The following RGS7 variants were observed in gnomAD, a reference collection of about 807,000 sequenced individuals.
RGS7 encodes the protein regulator of G-protein signaling 7.
Under a neutral mutation model 81.1 loss-of-function variants are expected in RGS7, and 27 were observed. The ratio of observed to expected loss-of-function variants is 0.33; its 90% CI spans 0.25 to 0.46. RGS7 has a LOEUF of 0.46. RGS7 is among the 20% of genes least tolerant of loss of function. The pLI is 1.00. For missense variants in RGS7, 396 were observed against 607.4 expected (o/e 0.65, Z 3.66); for synonymous variants, 208 against 207.7 (o/e 1.00, Z -0.01).
intron 3 of RGS7, among the ~76,000 whole-genome samples, chr1:241,065,869 T>C (rs1296406611): frequency 2.0e-5 from 3 of 152,190 alleles, no homozygotes; most frequent in Non-Finnish European, 2.9e-5. Flanking sequence ...AGGCTAATAA[T>C]AGTATCTCGC....
At chr1:241,232,588 T>C (rs1029528539) in intron 2 of RGS7, among the ~76,000 whole-genome samples, 3 of 151,984 alleles carry the variant, frequency 2.0e-5, no homozygotes, top group African/African-American at 7.3e-5. Flanking sequence ...GTAAATCCGC[T>C]AACTTTCTTC....
intron 3 of RGS7, among the ~76,000 whole-genome samples, chr1:241,025,640 T>A (rs186788269): frequency 6.6e-6 from 1 of 152,180 alleles, no homozygotes; most frequent in African/African-American, 2.4e-5. Flanking sequence ...TTTTGCTTTA[T>A]CTATGCCTCA....
intron 4 of RGS7, 48 bp downstream of exon 4, chr1:240,983,031 A>C (rs1435571162): frequency 1.8e-6 from 2 of 1,099,808 alleles, no homozygotes; most frequent in Non-Finnish European, 2.8e-6. Flanking sequence ...CATATTTCTT[A>C]AAACCACTAA....
chr1:241,181,511 T>A (rs1009607836), intron 2 of RGS7, among the ~76,000 whole-genome samples: 5 of 152,216 alleles, frequency 3.3e-5, no homozygotes, highest in African/African-American at 1.2e-4. Context: ...CAGCTATTAC[T>A]CTGATCCTGT....
chr1:240,927,184 G>A (rs1461560986), intron 6 of RGS7, among the ~76,000 whole-genome samples: 2 of 151,852 alleles, frequency 1.3e-5, no homozygotes, highest in Non-Finnish European at 2.9e-5. Flanking sequence ...CTCCTGACTC[G>A]GCCTCCCAAG....
chr1:241,287,561 C>A (rs1250303818), intron 2 of RGS7, among the ~76,000 whole-genome samples: 2 of 152,134 alleles, frequency 1.3e-5, no homozygotes, highest in African/African-American at 2.4e-5. Context: ...TACCCAGCCT[C>A]AGGTATGTCT....
chr1:241,273,404 C>T (rs1046148324), intron 2 of RGS7, among the ~76,000 whole-genome samples: 1 of 151,880 alleles, frequency 6.6e-6, no homozygotes, highest in Admixed American at 6.6e-5. Context: ...CTTCTAAGCT[C>T]TGGAAATCTC....
At chr1:240,989,990 A>G (rs1686229464) in intron 3 of RGS7, among the ~76,000 whole-genome samples, 1 of 152,208 alleles carries the variant, frequency 6.6e-6, no homozygotes, top group African/African-American at 2.4e-5. Flanking sequence ...AAAGTGGGTC[A>G]TGAAGGCTCA....
chr1:241,010,531 C>A (rs1436017122), intron 3 of RGS7, among the ~76,000 whole-genome samples: 2 of 152,146 alleles, frequency 1.3e-5, no homozygotes, highest in Admixed American at 6.5e-5. Context: ...CATTGCTGAT[C>A]GTTTGTAACA....
At chr1:241,212,980 T>C (rs1466460716) in intron 2 of RGS7, among the ~76,000 whole-genome samples, 3 of 152,178 alleles carry the variant, frequency 2.0e-5, no homozygotes, top group Non-Finnish European at 4.4e-5. Flanking sequence ...TGAGTGTCCT[T>C]GTGCGTGTGT....
intron 2 of RGS7, among the ~76,000 whole-genome samples, chr1:241,165,562 T>C (rs1353824627): frequency 1.4e-5 from 2 of 143,218 alleles, no homozygotes; most frequent in Non-Finnish European, 1.5e-5. Flanking sequence ...TTCTCACTCA[T>C]AGGTGGGAAT....
chr1:240,775,312 G>A (rs147012212), downstream of RGS7, among the ~76,000 whole-genome samples: 34 of 152,250 alleles, frequency 2.2e-4, no homozygotes, highest in East Asian at 6.6e-3. Context: ...TCTTCCATGG[G>A]AGAAAAAGGA....
rs6675503 is a variant in RGS7 at position 241,163,586 on chromosome 1, C to T, written c.79-64824G>A. ...CATCTATTCTCTCTGAGGGCGGCTA[C>T]CTGTGAGATTTCATCTACATAACAA... On this transcript the variant is annotated intron_variant, in intron 2 of 18. Transcript: ENST00000440928. This position sits in a 1 kb window ranked among gnomAD's most constrained non-coding sequence, Gnocchi z 4.6. Among the ~76,000 whole-genome samples the T allele has an allele frequency of 0.11, 16,216 of 151,426 alleles. 931 individuals carry two copies. The highest frequency in any genetic ancestry group is 0.17 in the Middle Eastern group (48 of 290).
chr1:241,146,334 G>A (rs753114318), intron 2 of RGS7, among the ~76,000 whole-genome samples: 1 of 152,190 alleles, frequency 6.6e-6, no homozygotes, highest in Non-Finnish European at 1.5e-5. Context: ...GTATATGGGA[G>A]TATGTGCCCA....
At chr1:241,140,299 G>A (rs2067837254) in intron 2 of RGS7, among the ~76,000 whole-genome samples, 2 of 152,168 alleles carry the variant, frequency 1.3e-5, no homozygotes, top group South Asian at 4.1e-4. Flanking sequence ...CCTACCAGGA[G>A]CTCCCTCCTC....
chr1:240,941,739 T>C (rs1677611515), intron 4 of RGS7, among the ~76,000 whole-genome samples: 3 of 151,918 alleles, frequency 2.0e-5, no homozygotes, highest in African/African-American at 2.4e-5. Context: ...CACAGTTCCC[T>C]GTGGTCCCAC....
At chr1:240,833,467 A>C (rs1694182045) in intron 9 of RGS7, among the ~76,000 whole-genome samples, 1 of 152,218 alleles carries the variant, frequency 6.6e-6, no homozygotes, top group Non-Finnish European at 1.5e-5. Context: ...ATGGTCCCTG[A>C]CTTACTATGG....
At chr1:241,348,566 G>A (rs1225038628) in intron 2 of RGS7, among the ~76,000 whole-genome samples, 6 of 152,188 alleles carry the variant, frequency 3.9e-5, no homozygotes, top group East Asian at 1.9e-4. Flanking sequence ...TTCAAGCTGC[G>A]TGACTTCAGG....
intron 9 of RGS7, among the ~76,000 whole-genome samples, chr1:240,831,402 T>A (rs1347349608): frequency 6.6e-6 from 1 of 152,202 alleles, no homozygotes; most frequent in Non-Finnish European, 1.5e-5. Context: ...AATATGGCAA[T>A]AATTTTTCTT....
Sources: allele counts gnomAD v4.1 joint callset (sites outside exome capture counted in the v4.1 genomes callset), GRCh38; gene constraint gnomAD v4.1.1; non-coding constraint Gnocchi (gnomAD v3.1); transcripts MANE v1.5; gene names NCBI Gene and HGNC (gene_info 2026-07-23, HGNC 2026-07-21).